MLLT10: variants seen among roughly 807,000 people sequenced by gnomAD.
MLLT10 encodes the protein MLLT10 histone lysine methyltransferase DOT1L cofactor.
MLLT10 carries 30 observed loss-of-function variants against 129.1 expected under a neutral mutation model. The observed-to-expected ratio is 0.23, with a 90% CI of 0.17 to 0.32. The LOEUF is 0.32. Among genes scored for constraint, MLLT10 ranks in the 10% least tolerant of loss-of-function variants. The pLI is 1.00. For missense variants in MLLT10, 1,119 were observed against 1,268.3 expected (o/e 0.88, Z 1.79); for synonymous variants, 490 against 446.4 (o/e 1.10, Z -1.23).
intron 9 of MLLT10, among the ~76,000 whole-genome samples, chr10:21,664,974 C>T (rs1472773261): frequency 8.2e-6 from 1 of 122,444 alleles, no homozygotes; most frequent in Non-Finnish European, 1.6e-5. Context: ...GAGATAGAGT[C>T]TCGCTCTGTC....
chr10:21,702,521 G>C (rs1461187346), intron 13 of MLLT10, among the ~76,000 whole-genome samples: 1 of 152,110 alleles, frequency 6.6e-6, no homozygotes, highest in African/African-American at 2.4e-5. Context: ...TTGAGAGTGG[G>C]TTGTTGAAGT....
chr10:21,588,883 G>C (rs1462987480), intron 4 of MLLT10, among the ~76,000 whole-genome samples: 1 of 151,102 alleles, frequency 6.6e-6, no homozygotes, highest in Non-Finnish European at 1.5e-5. Context: ...GAGTGCAGTG[G>C]CTTGATCTTG....
intron 13 of MLLT10, among the ~76,000 whole-genome samples, chr10:21,704,143 G>C (rs1184873874): frequency 6.9e-6 from 1 of 144,100 alleles, no homozygotes; most frequent in African/African-American, 2.6e-5. Flanking sequence ...CTAAGTAGCT[G>C]TGATTACAGG....
At chr10:21,620,020 C>CCCGGG (rs902176646) in intron 8 of MLLT10, among the ~76,000 whole-genome samples, 4 of 151,304 alleles carry the variant, frequency 2.6e-5, no homozygotes, top group African/African-American at 9.7e-5. Flanking sequence ...ACCTCTGCCT[C>CCCGGG]CCGGGTTCAA....
intron 14 of MLLT10, among the ~76,000 whole-genome samples, chr10:21,716,741 A>C (rs1271464131): frequency 6.6e-6 from 1 of 152,068 alleles, no homozygotes. Context: ...CACAACTGTT[A>C]AGAAAACCAT....
chr10:21,548,389 T>C (rs1288683511), intron 3 of MLLT10, among the ~76,000 whole-genome samples: 4 of 151,722 alleles, frequency 2.6e-5, no homozygotes, highest in African/African-American at 4.8e-5. Flanking sequence ...TTTTTTTTTT[T>C]TTGAGACGGA....
rs2057920174 is a variant in MLLT10 at position 21,730,945 on chromosome 10, C to T, written c.2109C>T (p.Asn703=). Residue 703 remains asparagine (N), a synonymous_variant, in exon 17 of 23, where the codon AAC becomes AAT. Coordinates refer to ENST00000307729, the MANE Select transcript of MLLT10 (RefSeq NM_001195626.3). The part of the protein sequence containing the change: ...SLQIRYDQPG[N]SSLENLPPVA... ...AGATTCGCTATGATCAACCAGGCAA[C>T]AGCAGTTTGGAAAATCTGCCTCCAG... 2 of 1,614,164 alleles carry T rather than the reference C, an allele frequency of 1.2e-6. No homozygotes were observed. Among genetic ancestry groups the T allele is most frequent in the East Asian group, 2.2e-5 (1 of 44,884 alleles).
chr10:21,566,823 C>CT (rs1260272544), intron 3 of MLLT10, among the ~76,000 whole-genome samples: 1 of 147,004 alleles, frequency 6.8e-6, no homozygotes, highest in East Asian at 2.0e-4. Flanking sequence ...TTTTTTTCTT[C>CT]TTTTTTTGAT....
At chr10:21,693,344 G>A (rs113339886) in intron 13 of MLLT10, among the ~76,000 whole-genome samples, 3 of 151,406 alleles carry the variant, frequency 2.0e-5, no homozygotes, top group African/African-American at 4.8e-5. Flanking sequence ...TGCTTTCCCT[G>A]TACTCAAGAT....
chr10:21,592,866 T>G (rs1222530676), intron 4 of MLLT10, among the ~76,000 whole-genome samples: 1 of 152,248 alleles, frequency 6.6e-6, no homozygotes, highest in Non-Finnish European at 1.5e-5. Flanking sequence ...TGGAAAATTT[T>G]TAGGTATTAT....
chr10:21,638,257 T>TGGGGG (rs1554827242), intron 8 of MLLT10, among the ~76,000 whole-genome samples: 3 of 80,530 alleles, frequency 3.7e-5, no homozygotes, highest in African/African-American at 1.7e-4. Context: ...TTCTTTTTGG[T>TGGGGG]GGGGGGAGGG....
chr10:21,580,046 A>C (rs2041235403), intron 3 of MLLT10, among the ~76,000 whole-genome samples: 1 of 149,890 alleles, frequency 6.7e-6, no homozygotes, highest in Admixed American at 6.6e-5. Context: ...TTTGAGATCA[A>C]GTCTTGCTCT....
rs767874584 is a variant in MLLT10 at position 21,554,620 on chromosome 10, A to AT, written c.240+15722dup. Among the ~76,000 whole-genome samples, 191 of 142,024 alleles carry AT rather than the reference A, an allele frequency of 1.3e-3. 1 individual carries two copies. The highest frequency in any genetic ancestry group is 3.7e-3 in the Middle Eastern group (1 of 272). 93.2% of individuals were successfully genotyped at this position (142,024 alleles called of 152,430 possible). A position where few individuals can be genotyped will look rare whatever the true frequency, so the allele number is the denominator to read the frequency against. The stretch of plus-strand genomic sequence containing the variant: ...AGACACGCACCACCACGCCCGGCTA[A>AT]TTTTTTTTTTTTTTGTATTTTGGTA... On this transcript the variant is annotated intron_variant, in intron 3 of 22. Coordinates refer to ENST00000307729, the MANE Select transcript of MLLT10 (RefSeq NM_001195626.3).
rs141844378 is a variant in MLLT10, at chr10:21,606,182, C to T, written c.406-6166C>T. Among the ~76,000 whole-genome samples the T allele has an allele frequency of 2.0e-4, 30 of 152,272 alleles. No individual in the cohort carries two copies. The East Asian group carries it at 5.6e-3, about 28-fold the overall frequency. On this transcript the variant is annotated intron_variant, in intron 5 of 22. Transcript: ENST00000307729. The stretch of plus-strand genomic sequence containing the variant: ...GTACCAGCTGGCTGTTCCCTCATCT[C>T]TCTCTACTCTCCTTAGGCCTCCTTG...
intron 9 of MLLT10, 85 bp from the exon 10 acceptor site, chr10:21,670,361 GTTC>G (rs1365046377): frequency 6.0e-5 from 76 of 1,276,864 alleles, no homozygotes; most frequent in Admixed American, 2.4e-4. Flanking sequence ...TATTCTGCAA[GTTC>G]TTCTTATTAA....
At chr10:21,587,959 T>C (rs1434892539) in intron 4 of MLLT10, among the ~76,000 whole-genome samples, 1 of 152,238 alleles carries the variant, frequency 6.6e-6, no homozygotes, top group East Asian at 1.9e-4. Context: ...TAAAGACTTA[T>C]TTACTCCCTC....
intron 8 of MLLT10, among the ~76,000 whole-genome samples, chr10:21,626,455 A>G (rs1803455702): frequency 1.3e-5 from 2 of 152,168 alleles, no homozygotes. Flanking sequence ...GAGACCAAAC[A>G]TGAGAGGCAG....
At chr10:21,632,966 C>G (rs1300043124) in intron 8 of MLLT10, among the ~76,000 whole-genome samples, 1 of 152,100 alleles carries the variant, frequency 6.6e-6, no homozygotes, top group South Asian at 2.1e-4. Context: ...ATCTATTAAA[C>G]ATGGCATGTC....
In MLLT10 at chr10:21,690,606, C is replaced by T. The variant is rs1021780857; in HGVS notation, c.1699+8349C>T. On this transcript the variant is annotated intron_variant, in intron 13 of 22. Transcript: ENST00000307729. ...TTATTTTATTTTAAATTCTCAGTGT[C>T]GCCTGAGAAGTGATCTCTTTCCTCT... Among the ~76,000 whole-genome samples, 8 of 151,746 alleles carry T rather than the reference C, an allele frequency of 5.3e-5. No homozygotes were observed. In the South Asian group the frequency reaches 8.3e-4, roughly 16 times the overall value.
Sources: allele counts gnomAD v4.1 joint callset (sites outside exome capture counted in the v4.1 genomes callset), GRCh38; gene constraint gnomAD v4.1.1; transcripts MANE v1.5; gene names NCBI Gene and HGNC (gene_info 2026-07-23, HGNC 2026-07-21).